Variants in ACOXL observed in about 807,000 individuals in gnomAD.
ACOXL encodes acyl-CoA oxidase like, also known as acyl-coenzyme A oxidase-like protein.
In ACOXL, 70 loss-of-function variants were observed where a neutral mutation model predicts 71.9. That is an observed-to-expected ratio of 0.97 (90% CI 0.80 to 1.19). The LOEUF is 1.19. ACOXL is among the 50% of genes most tolerant of loss of function. The probability of loss-of-function intolerance (pLI) is 0.00; values close to 1 mark genes in which losing one functional copy is unlikely to be tolerated. For missense variants in ACOXL, 703 were observed against 736.3 expected (o/e 0.95, Z 0.52); for synonymous variants, 253 against 281.6 (o/e 0.90, Z 1.02).
intron 14 of ACOXL, among the ~76,000 whole-genome samples, chr2:111,011,567 T>C (rs1380923025): frequency 1.3e-5 from 2 of 152,040 alleles, no homozygotes; most frequent in Non-Finnish European, 2.9e-5. Context: ...TAATATCAGA[T>C]AGAGGAAACT....
intron 4 of ACOXL, 73 bp from the exon 5 acceptor site, chr2:110,794,003 A>G: frequency 6.8e-7 from 1 of 1,467,150 alleles, no homozygotes; most frequent in Non-Finnish European, 9.5e-7. Context: ...ACCATTCTTA[A>G]TGGTCCGAGG....
chr2:111,037,162 C>G (rs531735699), intron 15 of ACOXL, among the ~76,000 whole-genome samples: 1 of 152,136 alleles, frequency 6.6e-6, no homozygotes, highest in African/African-American at 2.4e-5. Flanking sequence ...GGTTCCCTCC[C>G]CAAGCTTCTC....
At chr2:110,829,065 C>T (rs1451620635) in intron 9 of ACOXL, among the ~76,000 whole-genome samples, 1 of 152,236 alleles carries the variant, frequency 6.6e-6, no homozygotes, top group Non-Finnish European at 1.5e-5. Flanking sequence ...CCTGCATTGG[C>T]CTCCCAAAGT....
chr2:110,888,613 T>C (rs1477623114), intron 10 of ACOXL, among the ~76,000 whole-genome samples: 2 of 152,232 alleles, frequency 1.3e-5, no homozygotes, highest in African/African-American at 4.8e-5. Context: ...TTCTGATTTA[T>C]TTTGCCCCAT....
chr2:110,878,874 A>G (rs1421256846), intron 10 of ACOXL, among the ~76,000 whole-genome samples: 1 of 152,004 alleles, frequency 6.6e-6, no homozygotes, highest in Admixed American at 6.6e-5. Context: ...CCTGGCAAAG[A>G]TGGTTAAACC....
chr2:111,017,650 A>G (rs1430645242), intron 14 of ACOXL, among the ~76,000 whole-genome samples: 1 of 152,218 alleles, frequency 6.6e-6, no homozygotes, highest in African/African-American at 2.4e-5. Flanking sequence ...CTCTGGGGGC[A>G]GTGCTAACTC....
At chr2:111,044,573 G>A (rs1456489062) in intron 15 of ACOXL, among the ~76,000 whole-genome samples, 2 of 152,174 alleles carry the variant, frequency 1.3e-5, no homozygotes, top group Non-Finnish European at 2.9e-5. Flanking sequence ...TATAGGTCAG[G>A]GTCAACTGTA....
intron 17 of ACOXL, among the ~76,000 whole-genome samples, chr2:111,096,255 G>A (rs367653163): frequency 8.7e-6 from 1 of 114,436 alleles, no homozygotes; most frequent in Admixed American, 8.7e-5. Flanking sequence ...TATTATTATT[G>A]AGACAGAGTC....
At chr2:110,840,627 G>T (rs993254067) in intron 9 of ACOXL, among the ~76,000 whole-genome samples, 3 of 152,134 alleles carry the variant, frequency 2.0e-5, no homozygotes, top group Non-Finnish European at 4.4e-5. Context: ...GAACTAGCCA[G>T]GGCCCCTGTC....
At chr2:110,940,353 G>A (rs323645) in intron 12 of ACOXL, among the ~76,000 whole-genome samples, 5,658 of 152,208 alleles carry the variant, frequency 0.037, 141 homozygotes, top group Non-Finnish European at 0.059. Context: ...TGGAGTTTCC[G>A]GGGAATAGAT....
chr2:111,100,934 G>A (rs1256444533), intron 17 of ACOXL: 1 of 152,786 alleles, frequency 6.5e-6, no homozygotes, highest in East Asian at 1.9e-4. Flanking sequence ...GACCACTAGG[G>A]TTGGGTTTTA....
At chr2:110,869,561 C>T (rs897827232) in intron 10 of ACOXL, among the ~76,000 whole-genome samples, 2 of 152,176 alleles carry the variant, frequency 1.3e-5, no homozygotes, top group African/African-American at 2.4e-5. Context: ...CGCTGGGGCT[C>T]GCATCTCTTC....
At chr2:111,021,548 C>G (rs2064760605) in intron 14 of ACOXL, among the ~76,000 whole-genome samples, 1 of 152,164 alleles carries the variant, frequency 6.6e-6, no homozygotes, top group South Asian at 2.1e-4. Flanking sequence ...CCCCCTTATT[C>G]TCTGGGAGAC....
rs1320973574 is a variant in ACOXL at position 110,845,411 on chromosome 2, C to T, written c.788+4006C>T. Among the ~76,000 whole-genome samples, 11 of 152,298 alleles carry T rather than the reference C, an allele frequency of 7.2e-5. No individual in the cohort carries two copies. The South Asian group carries it at 2.3e-3, about 32-fold the overall frequency. The stretch of plus-strand genomic sequence containing the variant: ...TCACGTTGGCCGTTAAGTTTCAACA[C>T]CTGAATTTTTGAGGGAACACATGCA... On this transcript the variant is annotated intron_variant, in intron 10 of 17. Coordinates refer to ENST00000439055, the MANE Select transcript of ACOXL (RefSeq NM_001142807.4).
chr2:111,068,182 A>G (rs1425380912), intron 16 of ACOXL, among the ~76,000 whole-genome samples: 1 of 152,140 alleles, frequency 6.6e-6, no homozygotes, highest in Admixed American at 6.5e-5. Flanking sequence ...ATCTCAAAGG[A>G]TGAGTTGGAA....
intron 14 of ACOXL, among the ~76,000 whole-genome samples, chr2:111,003,427 T>A (rs537769891): frequency 1.6e-4 from 24 of 151,298 alleles, no homozygotes; most frequent in African/African-American, 5.8e-4. Context: ...GGTGGGCACC[T>A]GTAATCCCAG....
intron 15 of ACOXL, among the ~76,000 whole-genome samples, chr2:111,047,385 G>C (rs1481205708): frequency 6.6e-6 from 1 of 152,174 alleles, no homozygotes; most frequent in Non-Finnish European, 1.5e-5. Context: ...CCTGCACTAA[G>C]TAAGATTCTA....
At chr2:111,039,436 C>CT (rs2065673286) in intron 15 of ACOXL, among the ~76,000 whole-genome samples, 1 of 151,254 alleles carries the variant, frequency 6.6e-6, no homozygotes, top group Non-Finnish European at 1.5e-5. Context: ...CGTTTATCCT[C>CT]TGAGATACAA....
intron 10 of ACOXL, among the ~76,000 whole-genome samples, chr2:110,873,846 G>C (rs1695566728): frequency 6.6e-6 from 1 of 152,216 alleles, no homozygotes; most frequent in Non-Finnish European, 1.5e-5. Flanking sequence ...AAACAATGGG[G>C]CCACCCCAGG....
Sources: allele counts gnomAD v4.1 joint callset (sites outside exome capture counted in the v4.1 genomes callset), GRCh38; gene constraint gnomAD v4.1.1; transcripts MANE v1.5; gene names NCBI Gene and HGNC (gene_info 2026-07-23, HGNC 2026-07-21).